Variants in SRGAP2 observed in about 807,000 individuals in gnomAD.
The protein encoded by SRGAP2 is SLIT-ROBO Rho GTPase-activating protein 2.
SRGAP2 carries 15 observed loss-of-function variants against 57.2 expected under a neutral mutation model. The observed-to-expected ratio is 0.26, with a 90% CI of 0.18 to 0.40. The LOEUF is 0.40. SRGAP2 is among the 10% of genes least tolerant of loss of function. SRGAP2 has a pLI of 1.00. For missense variants in SRGAP2, 520 were observed against 669.6 expected (o/e 0.78, Z 2.47); for synonymous variants, 249 against 248.0 (o/e 1.00, Z -0.04).
At chr1:206,447,348 A>G (rs1553374235) in intron 18 of SRGAP2, among the ~76,000 whole-genome samples, 3 of 152,188 alleles carry the variant, frequency 2.0e-5, no homozygotes. Flanking sequence ...TTACTTAATT[A>G]GAGGCCAATT....
chr1:206,372,955 CTTTT>C lies in SRGAP2; in HGVS notation c.424-11058_424-11055del, dbSNP rs1654729895. ...TCTTTCTTTCTTTCTTTCTTTCTTT[CTTTT>C]CTTTCCTTTCTTTCTTTCTTTCTTT... On this transcript the variant is annotated intron_variant, in intron 4 of 22. Coordinates refer to ENST00000573034, the MANE Select transcript of SRGAP2 (RefSeq NM_015326.5). Among the ~76,000 whole-genome samples the C allele has an allele frequency of 1.1e-3, 44 of 39,662 alleles. 8 individuals carry two copies. The highest frequency in any genetic ancestry group is 2.3e-3 in the South Asian group (2 of 878). The allele number at this position is 39,662 out of a possible 152,430, so 26.0% of individuals were successfully genotyped here. A position where few individuals can be genotyped will look rare whatever the true frequency, so the allele number is the denominator to read the frequency against.
chr1:206,273,803 A>G (rs1243404777), intron 2 of SRGAP2, among the ~76,000 whole-genome samples: 1 of 149,242 alleles, frequency 6.7e-6, no homozygotes, highest in Non-Finnish European at 1.5e-5. Flanking sequence ...TTGAGAGATG[A>G]GAATTTATGG....
intron 3 of SRGAP2, among the ~76,000 whole-genome samples, chr1:206,307,182 T>C (rs1473641787): frequency 8.9e-5 from 13 of 146,002 alleles, no homozygotes; most frequent in South Asian, 2.2e-4. Context: ...GAGCTAGATA[T>C]AGAGTGCCGA....
chr1:206,460,117 G>A (rs558273872), intron 22 of SRGAP2, among the ~76,000 whole-genome samples: 1 of 152,298 alleles, frequency 6.6e-6, no homozygotes, highest in South Asian at 2.1e-4. Flanking sequence ...CGGTCTGTAC[G>A]ACAAAGAAAC....
intron 4 of SRGAP2, among the ~76,000 whole-genome samples, chr1:206,357,642 G>T (rs1191665076): frequency 7.1e-6 from 1 of 141,086 alleles, no homozygotes; most frequent in Non-Finnish European, 1.5e-5. Flanking sequence ...GAAGTACAGT[G>T]GCGTGATCTT....
chr1:206,429,776 G>C (rs1553367670), intron 13 of SRGAP2, among the ~76,000 whole-genome samples: 1 of 152,194 alleles, frequency 6.6e-6, no homozygotes, highest in Non-Finnish European at 1.5e-5. Context: ...TCAGAAGATG[G>C]CAAGGATGGG....
intron 2 of SRGAP2, among the ~76,000 whole-genome samples, chr1:206,238,894 G>A (rs1287383963): frequency 1.4e-5 from 2 of 145,926 alleles, no homozygotes; most frequent in East Asian, 4.3e-4. Flanking sequence ...TAGTCTGGAT[G>A]CTTGTGAACA....
intron 2 of SRGAP2, among the ~76,000 whole-genome samples, chr1:206,298,395 C>T (rs1671701529): frequency 2.0e-5 from 3 of 152,204 alleles, no homozygotes; most frequent in African/African-American, 7.2e-5. Flanking sequence ...GAATCCGTTC[C>T]TCCTTTTGGC....
At chr1:206,278,504 T>C (rs1446892521) in intron 2 of SRGAP2, among the ~76,000 whole-genome samples, 99 of 142,384 alleles carry the variant, frequency 7.0e-4, no homozygotes, top group African/African-American at 2.3e-3. Context: ...CACATACCAC[T>C]ATGCCTGGCT....
At chr1:206,314,104 T>TTG (rs1553120814) in intron 3 of SRGAP2, among the ~76,000 whole-genome samples, 2 of 132,088 alleles carry the variant, frequency 1.5e-5, no homozygotes, top group Admixed American at 1.5e-4. Flanking sequence ...TTGTTTTTTT[T>TTG]GTTTTTTTTT....
rs1336921673 is a variant in SRGAP2, at chr1:206,463,255, G to A, written c.*1835G>A. The A allele has an allele frequency of 6.6e-6, 1 of 152,576 alleles. No homozygotes were observed. Among genetic ancestry groups the A allele is most frequent in the Non-Finnish European group, 1.5e-5 (1 of 68,024 alleles). 9.5% of individuals were successfully genotyped at this position (152,576 alleles called of 1,614,324 possible). A position where few individuals can be genotyped will look rare whatever the true frequency, so the allele number is the denominator to read the frequency against. ...GAGAAACCTTTCCAAGTGCTAGGCA[G>A]GAGAACTGAAGAACTCTTTCAGTGA... is the stretch of plus-strand genomic sequence containing the variant. On this transcript the variant is annotated 3_prime_UTR_variant, in exon 23 of 23. Coordinates refer to ENST00000573034, the MANE Select transcript of SRGAP2 (RefSeq NM_015326.5).
At chr1:206,265,797 GTGAACGT>G (rs1284798869) in intron 2 of SRGAP2, among the ~76,000 whole-genome samples, 1 of 151,428 alleles carries the variant, frequency 6.6e-6, no homozygotes, top group African/African-American at 2.4e-5. Flanking sequence ...TTTTCATAAA[GTGAACGT>G]GTTTTTTTCT....
In SRGAP2 at chr1:206,438,059, T is replaced by G. The variant is rs781907042; in HGVS notation, c.1729T>G (p.Phe577Val). 1.3e-6 allele frequency: 1 copy of G among 780,824 alleles called. No homozygotes were observed. Among genetic ancestry groups the G allele is most frequent in the Non-Finnish European group, 2.4e-6 (1 of 417,944 alleles). 48.4% of individuals were successfully genotyped at this position (780,824 alleles called of 1,614,324 possible). Reference sequence around the variant, plus strand: ...CTTCCGGGGGCTGGAACACCCTCTCTTCCCCAAGGACATCTTTCATGACCT... The same window carrying G: ...CTTCCGGGGGCTGGAACACCCTCTCGTCCCCAAGGACATCTTTCATGACCT... ...LYFRGLEHPL[F>V]PKDIFHDLMA... is the part of the protein sequence containing the mutation. The change falls in exon 16 of 23, where the codon TTC becomes GTC. Residue 577 changes from phenylalanine to valine, a missense_variant. Around this residue, in one of 5 missense-constraint regions of SRGAP2, gnomAD observed 478 missense variants for 373.6 expected, o/e 1.28. Coordinates refer to ENST00000573034, the MANE Select transcript of SRGAP2 (RefSeq NM_015326.5).
At chr1:206,332,233 C>T (rs1377862490) in intron 3 of SRGAP2, among the ~76,000 whole-genome samples, 2 of 119,724 alleles carry the variant, frequency 1.7e-5, no homozygotes, top group Non-Finnish European at 3.4e-5. Context: ...TCTCTGGCTG[C>T]CCTTAACATT....
At chr1:206,251,702 CTTTT>C (rs1180655419) in intron 2 of SRGAP2, among the ~76,000 whole-genome samples, 1 of 66,364 alleles carries the variant, frequency 1.5e-5, no homozygotes, top group Admixed American at 1.4e-4. Context: ...CCCCTTGGTT[CTTTT>C]TTTTTTTTTT....
chr1:206,303,551 T>G (rs1379666250), intron 3 of SRGAP2, 78 bp downstream of exon 3: 1 of 730,316 alleles, frequency 1.4e-6, no homozygotes, highest in East Asian at 2.9e-5. Flanking sequence ...GTATGCCACT[T>G]AGATCCAGCT....
intron 3 of SRGAP2, among the ~76,000 whole-genome samples, chr1:206,321,759 G>A (rs1673467155): frequency 6.6e-6 from 1 of 150,492 alleles, no homozygotes; most frequent in South Asian, 2.1e-4. Context: ...GGCCAATGGA[G>A]TCCCTTCAAG....
intron 2 of SRGAP2, among the ~76,000 whole-genome samples, chr1:206,240,677 C>T (rs1668166600): frequency 6.6e-6 from 1 of 152,020 alleles, no homozygotes; most frequent in Non-Finnish European, 1.5e-5. Flanking sequence ...CCCATACCAC[C>T]TTAGTGAGGT....
At chr1:206,428,420 C>CAAAAAA (rs71152470) in intron 13 of SRGAP2, among the ~76,000 whole-genome samples, 4 of 59,974 alleles carry the variant, frequency 6.7e-5, no homozygotes, top group African/African-American at 2.1e-4. Flanking sequence ...GACTCTGTCT[C>CAAAAAA]AAAAAAAAAA....
Sources: allele counts gnomAD v4.1 joint callset (sites outside exome capture counted in the v4.1 genomes callset), GRCh38; gene constraint gnomAD v4.1.1; regional missense constraint gnomAD v4.1.1; transcripts MANE v1.5; gene names NCBI Gene and HGNC (gene_info 2026-07-23, HGNC 2026-07-21).